CDH13: variants seen among roughly 807,000 people sequenced by gnomAD.
CDH13 encodes cadherin-13.
Under a neutral mutation model 63.8 loss-of-function variants are expected in CDH13, and 24 were observed. The observed-to-expected ratio is 0.38, with a 90% confidence interval of 0.27 to 0.53. CDH13 has a LOEUF of 0.53. Among genes scored for constraint, CDH13 ranks in the 20% least tolerant of loss-of-function variants. The probability of loss-of-function intolerance (pLI) is 0.85; values close to 1 mark genes in which losing one functional copy is unlikely to be tolerated. For synonymous variants in CDH13, 503 were observed against 355.3 expected, an observed-to-expected ratio of 1.42 and a Z score of -4.67; for missense variants, 1,049 against 903.1, an observed-to-expected ratio of 1.16 and a Z score of -2.07.
At chr16:83,707,825 G>T (rs1308658627) in intron 10 of CDH13, among the ~76,000 whole-genome samples, 1 of 60,438 alleles carries the variant, frequency 1.7e-5, no homozygotes. Context: ...TTTGGTGAGA[G>T]ACCCTAAAGG....
chr16:82,737,954 T>G (rs1429477070), intron 1 of CDH13, among the ~76,000 whole-genome samples: 1 of 152,218 alleles, frequency 6.6e-6, no homozygotes, highest in East Asian at 1.9e-4. Context: ...CTCCAGTGTT[T>G]GTTGATTTGT....
chr16:82,718,558 C>T (rs2151018127), intron 1 of CDH13, among the ~76,000 whole-genome samples: 1 of 152,274 alleles, frequency 6.6e-6, no homozygotes, highest in Middle Eastern at 3.4e-3. Flanking sequence ...TGTATTAGTC[C>T]ATTTTCACGC....
intron 4 of CDH13, among the ~76,000 whole-genome samples, chr16:83,187,048 G>T (rs1303388939): frequency 6.6e-6 from 1 of 152,006 alleles, no homozygotes; most frequent in Non-Finnish European, 1.5e-5. Flanking sequence ...TCAGCTCACT[G>T]CAACCTGCAC....
In CDH13 at chr16:83,339,575, C is replaced by T. The variant is rs187420617; in HGVS notation, c.637-5287C>T. ...TATTAATAACACAAAAACCAGGATACGGAGAGGTGCATGCTCTGCTCAGGG... is the reference window on the plus strand; with the variant it reads ...TATTAATAACACAAAAACCAGGATATGGAGAGGTGCATGCTCTGCTCAGGG... On this transcript the variant is annotated intron_variant, in intron 5 of 13. Transcript: ENST00000567109. Among the ~76,000 whole-genome samples, 17 of 152,198 alleles carry T rather than the reference C, an allele frequency of 1.1e-4. No individual in the cohort carries two copies. In the East Asian group the frequency reaches 1.4e-3, roughly 12 times the overall value.
At chr16:83,369,046 C>T (rs905396889) in intron 6 of CDH13, among the ~76,000 whole-genome samples, 1 of 150,100 alleles carries the variant, frequency 6.7e-6, no homozygotes, top group South Asian at 2.1e-4. Flanking sequence ...GTATCTTTTT[C>T]GTATAATGAC....
intron 1 of CDH13, among the ~76,000 whole-genome samples, chr16:82,691,651 C>T (rs1049128434): frequency 2.0e-5 from 3 of 152,124 alleles, no homozygotes; most frequent in African/African-American, 7.2e-5. Flanking sequence ...CATTATAAGC[C>T]TGTTGTACTA....
At chr16:82,746,902 C>A (rs1359789801) in intron 1 of CDH13, among the ~76,000 whole-genome samples, 2 of 152,216 alleles carry the variant, frequency 1.3e-5, no homozygotes, top group East Asian at 3.9e-4. Flanking sequence ...TGTTAAGGAC[C>A]TGATGTTGTG....
intron 1 of CDH13, among the ~76,000 whole-genome samples, chr16:82,737,094 G>A (rs1282305187): frequency 2.6e-5 from 4 of 152,150 alleles, no homozygotes; most frequent in Non-Finnish European, 5.9e-5. Flanking sequence ...TTTCATTTAG[G>A]AGATAATGCC....
chr16:83,472,018 C>A (rs931408), intron 6 of CDH13, among the ~76,000 whole-genome samples: 44,667 of 152,084 alleles, frequency 0.29, 6,945 homozygotes, highest in African/African-American at 0.34. Flanking sequence ...CTTTATCAAA[C>A]GTGGTGCTTC....
At chr16:83,423,307 A>C (rs1167752157) in intron 6 of CDH13, among the ~76,000 whole-genome samples, 4 of 152,226 alleles carry the variant, frequency 2.6e-5, no homozygotes, top group Admixed American at 2.6e-4. Context: ...CGTTATTGAA[A>C]GTTCTCATTT....
chr16:83,240,173 T>C (rs143719860), intron 5 of CDH13, among the ~76,000 whole-genome samples: 1 of 152,092 alleles, frequency 6.6e-6, no homozygotes, highest in Non-Finnish European at 1.5e-5. Flanking sequence ...TACCCCTCAT[T>C]TCTTTTTTCA....
chr16:83,464,654 C>T (rs1429921881), intron 6 of CDH13, among the ~76,000 whole-genome samples: 1 of 152,086 alleles, frequency 6.6e-6, no homozygotes, highest in Admixed American at 6.5e-5. Context: ...GCCACCACAC[C>T]TGGCCCTCCT....
chr16:83,530,110 G>A (rs1009973037), intron 7 of CDH13, among the ~76,000 whole-genome samples: 1 of 152,178 alleles, frequency 6.6e-6, no homozygotes, highest in African/African-American at 2.4e-5. Context: ...CTGCGTACCT[G>A]TTCCTGCTGG....
At chr16:83,290,114 G>A (rs921364364) in intron 5 of CDH13, among the ~76,000 whole-genome samples, 1 of 152,162 alleles carries the variant, frequency 6.6e-6, no homozygotes. Context: ...AGTCATCATG[G>A]TTAGTCAGAT....
intron 7 of CDH13, among the ~76,000 whole-genome samples, chr16:83,490,459 C>T (rs2073988987): frequency 6.6e-6 from 1 of 152,154 alleles, no homozygotes; most frequent in Non-Finnish European, 1.5e-5. Flanking sequence ...CTTCTTCCCA[C>T]CCTCCTCCCT....
intron 3 of CDH13, among the ~76,000 whole-genome samples, chr16:83,037,128 C>A (rs906078926): frequency 1.3e-5 from 2 of 152,166 alleles, no homozygotes; most frequent in South Asian, 2.1e-4. Context: ...GAGACTAGAG[C>A]TACTAGTTGA....
At chr16:82,978,588 A>G (rs1027192606) in intron 2 of CDH13, among the ~76,000 whole-genome samples, 1 of 152,244 alleles carries the variant, frequency 6.6e-6, no homozygotes, top group Non-Finnish European at 1.5e-5. Context: ...CGGTGGGTGC[A>G]AGCCCCAAGC....
chr16:83,686,615 G>C (rs925364975), intron 10 of CDH13, among the ~76,000 whole-genome samples: 4 of 152,190 alleles, frequency 2.6e-5, no homozygotes, highest in Non-Finnish European at 5.9e-5. Flanking sequence ...TAAATTATAA[G>C]TGATTATTAG....
chr16:82,997,575 G>T (rs1042063775), intron 2 of CDH13, among the ~76,000 whole-genome samples: 1 of 152,176 alleles, frequency 6.6e-6, no homozygotes, highest in African/African-American at 2.4e-5. Flanking sequence ...CCACCCAGTT[G>T]TCTCAGCTAA....
Sources: gnomAD v4.1 joint callset for allele counts (sites outside exome capture counted in the v4.1 genomes callset) on GRCh38, gnomAD v4.1.1 for gene constraint, MANE v1.5 for transcripts, NCBI Gene and HGNC (gene_info 2026-07-23, HGNC 2026-07-21) for gene names.